Variants in EIF4G3 observed in about 807,000 individuals in gnomAD.
The protein encoded by EIF4G3 is eIF-4-gamma 3.
A neutral mutation model predicts 186.4 loss-of-function variants in EIF4G3; 34 were observed. That is an observed-to-expected ratio of 0.18 (90% CI 0.14 to 0.24). The LOEUF is 0.24. Among genes scored for constraint, EIF4G3 ranks in the 10% least tolerant of loss-of-function variants. The pLI, the probability that EIF4G3 is intolerant of heterozygous loss-of-function variation, is 1.00. For synonymous variants in EIF4G3, 673 were observed against 679.5 expected, an observed-to-expected ratio of 0.99 and a Z score of 0.15; for missense variants, 1,536 against 1,948.5, an observed-to-expected ratio of 0.79 and a Z score of 3.99.
chr1:21,034,465 A>T (rs1411869057), intron 4 of EIF4G3, among the ~76,000 whole-genome samples: 2 of 152,238 alleles, frequency 1.3e-5, no homozygotes, highest in Non-Finnish European at 2.9e-5. Context: ...GTACACTTTA[A>T]TATTATTCAT....
intron 3 of EIF4G3, among the ~76,000 whole-genome samples, chr1:21,063,707 G>C (rs868601181): frequency 1.4e-3 from 28 of 19,330 alleles, no homozygotes; most frequent in Admixed American, 5.1e-3. Flanking sequence ...TTTCATTTTG[G>C]GGGGGGGGGT....
Position 21,176,797 on chromosome 1 carries a change from C to T in EIF4G3, c.-531G>A, listed in dbSNP as rs952837379. 57 of 700,844 alleles carry T rather than the reference C, an allele frequency of 8.1e-5. No homozygotes were observed. Among genetic ancestry groups the T allele is most frequent in the Non-Finnish European group, 1.3e-4 (48 of 383,946 alleles). 43.4% of individuals were successfully genotyped at this position (700,844 alleles called of 1,614,324 possible). A position where few individuals can be genotyped will look rare whatever the true frequency, so the allele number is the denominator to read the frequency against. Reference sequence around the variant, plus strand: ...TCCCCGGAGGAAGCGGCGCCCTTCTCGGTAGCGGGGCTCAGGCGATGCCGG... The same window carrying T: ...TCCCCGGAGGAAGCGGCGCCCTTCTTGGTAGCGGGGCTCAGGCGATGCCGG... On this transcript the variant is annotated 5_prime_UTR_variant, in exon 1 of 37. Transcript: ENST00000602326.
chr1:21,021,737 G>A (rs1471302631), intron 4 of EIF4G3, among the ~76,000 whole-genome samples: 1 of 151,972 alleles, frequency 6.6e-6, no homozygotes, highest in Admixed American at 6.6e-5. Flanking sequence ...TGTATTTTTA[G>A]TAGAGACAGG....
At chr1:21,130,441 G>A (rs1248018100) in intron 2 of EIF4G3, among the ~76,000 whole-genome samples, 2 of 151,592 alleles carry the variant, frequency 1.3e-5, no homozygotes, top group East Asian at 3.9e-4. Context: ...GTTGGCCAGG[G>A]TGGTCTTGAA....
At chr1:20,910,444 C>T (rs1388958525) in intron 14 of EIF4G3, among the ~76,000 whole-genome samples, 2 of 151,992 alleles carry the variant, frequency 1.3e-5, no homozygotes, top group Non-Finnish European at 2.9e-5. Context: ...ATTAGCCAGG[C>T]GTGGTGGCAG....
intron 20 of EIF4G3, among the ~76,000 whole-genome samples, chr1:20,875,930 A>G (rs978145970): frequency 1.3e-5 from 2 of 151,948 alleles, no homozygotes; most frequent in Admixed American, 1.3e-4. Flanking sequence ...GGGAAGGAAA[A>G]GAAGAAAGAG....
At chr1:21,006,021 T>C (rs2084969872) in intron 4 of EIF4G3, among the ~76,000 whole-genome samples, 1 of 152,206 alleles carries the variant, frequency 6.6e-6, no homozygotes, top group African/African-American at 2.4e-5. Flanking sequence ...ACTAGCAATA[T>C]GGAATGCTTA....
intron 2 of EIF4G3, among the ~76,000 whole-genome samples, chr1:21,166,123 C>A (rs148497824): frequency 2.8e-5 from 3 of 105,558 alleles, no homozygotes; most frequent in African/African-American, 8.9e-5. Flanking sequence ...CTTTTTTTTC[C>A]TTTTAAAAAT....
At chr1:21,015,174 CAG>C (rs1198487024) in intron 4 of EIF4G3, among the ~76,000 whole-genome samples, 1 of 151,366 alleles carries the variant, frequency 6.6e-6, no homozygotes, top group African/African-American at 2.4e-5. Context: ...TCTCTAATAA[CAG>C]AACAAAGAAT....
At position 20,813,212 on chromosome 1, in the gene EIF4G3, A is replaced by T. The variant is rs1281832516; in HGVS notation, c.4543T>A (p.Ser1515Thr). The change falls in exon 35 of 37, where the codon TCA becomes ACA. Residue 1515 changes from serine to threonine, a missense_variant. Coordinates refer to ENST00000602326, the MANE Select transcript of EIF4G3 (RefSeq NM_001391906.1). Reference sequence around the variant, plus strand: ...ATTAAAGCTCTAAGGAATGTAGGTGAACTCATCTGGATTTCGTCTAGATTA... The same window carrying T: ...ATTAAAGCTCTAAGGAATGTAGGTGTACTCATCTGGATTTCGTCTAGATTA... ...EANLDEIQMS[S>T]PTFLRALMTA... 3.1e-6 allele frequency: 5 copies of T among 1,613,676 alleles called. No individual in the cohort carries two copies. Among genetic ancestry groups the T allele is most frequent in the Non-Finnish European group, 3.4e-6 (4 of 1,179,826 alleles).
At chr1:21,034,797 C>T (rs1479369768) in intron 4 of EIF4G3, among the ~76,000 whole-genome samples, 1 of 152,160 alleles carries the variant, frequency 6.6e-6, no homozygotes, top group Admixed American at 6.5e-5. Context: ...CAGATTGGCA[C>T]CACCGGAGAT....
chr1:21,139,963 C>T (rs1241059527), intron 2 of EIF4G3, among the ~76,000 whole-genome samples: 2 of 152,162 alleles, frequency 1.3e-5, no homozygotes, highest in African/African-American at 4.8e-5. Context: ...TATTTTCTTC[C>T]ATTAGAAAAA....
chr1:21,167,810 A>G (rs1044088025), intron 2 of EIF4G3, among the ~76,000 whole-genome samples: 2 of 152,324 alleles, frequency 1.3e-5, no homozygotes, highest in African/African-American at 4.8e-5. Flanking sequence ...AAAACTTAGT[A>G]TACTTGAACA....
At chr1:21,072,681 C>T (rs2095479492) in intron 3 of EIF4G3, among the ~76,000 whole-genome samples, 1 of 152,114 alleles carries the variant, frequency 6.6e-6, no homozygotes, top group East Asian at 1.9e-4. Flanking sequence ...GGATTACAGG[C>T]GTGAGCCACC....
intron 14 of EIF4G3, among the ~76,000 whole-genome samples, chr1:20,927,046 C>CTT (rs757963098): frequency 1.4e-4 from 19 of 139,248 alleles, no homozygotes; most frequent in African/African-American, 2.9e-4. Context: ...GAAAAAAATA[C>CTT]TTTTTTTTTT....
At chr1:21,165,384 C>T (rs562170167) in intron 2 of EIF4G3, among the ~76,000 whole-genome samples, 3 of 152,250 alleles carry the variant, frequency 2.0e-5, no homozygotes, top group South Asian at 2.1e-4. Context: ...CATCCATGAA[C>T]GGTCACAGCA....
At chr1:20,999,029 C>A in intron 6 of EIF4G3, among the ~76,000 whole-genome samples, 1 of 152,136 alleles carries the variant, frequency 6.6e-6, no homozygotes, top group East Asian at 1.9e-4. Flanking sequence ...ATTACTTCCC[C>A]AACTACCATT....
intron 4 of EIF4G3, among the ~76,000 whole-genome samples, chr1:21,017,161 C>G (rs1241176953): frequency 7.2e-5 from 11 of 152,106 alleles, no homozygotes; most frequent in African/African-American, 2.7e-4. Context: ...TCACACATTA[C>G]AACATGGATG....
chr1:20,984,593 CTTTT>C (rs1158261981), intron 7 of EIF4G3, among the ~76,000 whole-genome samples: 1 of 132,604 alleles, frequency 7.5e-6, no homozygotes. Flanking sequence ...CATATATACA[CTTTT>C]TTTTTTTTTT....
Sources: gnomAD v4.1 joint callset for allele counts (sites outside exome capture counted in the v4.1 genomes callset) on GRCh38, gnomAD v4.1.1 for gene constraint, MANE v1.5 for transcripts, NCBI Gene and HGNC (gene_info 2026-07-23, HGNC 2026-07-21) for gene names.